Variants in ALDH5A1 observed in about 807,000 individuals in gnomAD.
ALDH5A1 encodes the protein succinate-semialdehyde dehydrogenase, mitochondrial.
In ALDH5A1, 33 loss-of-function variants were observed where a neutral mutation model predicts 54.7. That is an observed-to-expected ratio of 0.60 (90% CI 0.46 to 0.81). The LOEUF (loss-of-function observed/expected upper bound fraction) is 0.81. Among genes scored for constraint, ALDH5A1 ranks in the 30% least tolerant of loss-of-function variants. The pLI is 0.00. For synonymous variants in ALDH5A1, 294 were observed against 292.7 expected (o/e 1.00, Z -0.05); for missense variants, 657 against 711.0 (o/e 0.92, Z 0.86).
At chr6:24,511,180 C>T (rs368123257) in intron 4 of ALDH5A1, among the ~76,000 whole-genome samples, 23 of 152,186 alleles carry the variant, frequency 1.5e-4, no homozygotes, top group African/African-American at 3.9e-4. Context: ...AGGGTTTCTG[C>T]TGAGAAATCT....
chr6:24,502,108 C>T (rs1006617286), intron 1 of ALDH5A1, among the ~76,000 whole-genome samples: 8 of 152,022 alleles, frequency 5.3e-5, no homozygotes, highest in Non-Finnish European at 1.0e-4. Flanking sequence ...GTCTGAGTTC[C>T]AGACTGGGTC....
At position 24,528,156 on chromosome 6, in the gene ALDH5A1, C is replaced by T. The variant is rs1475614682; in HGVS notation, c.1333C>T (p.Pro445Ser). The T allele has an allele frequency of 2.5e-6, 4 of 1,613,588 alleles. No homozygotes were observed. Among genetic ancestry groups the T allele is most frequent in the East Asian group, 2.2e-5 (1 of 44,886 alleles). ...TGAAGAGACTTTCGGGCCTCTGGCACCAGTTATCAAGTAAGATCCTCCAGC... is the reference window on the plus strand; with the variant it reads ...TGAAGAGACTTTCGGGCCTCTGGCATCAGTTATCAAGTAAGATCCTCCAGC... ...THEETFGPLA[P>S]VIKFDTEEEA... Residue 445 changes from proline to serine, a missense_variant, in exon 8 of 10, where the codon CCA (proline) becomes TCA (serine). Physicochemically the swap from Pro to Ser is moderately conservative, Grantham distance 74 (BLOSUM62 -1). Transcript: ENST00000357578.
At chr6:24,521,015 G>C (rs1319379930) in intron 6 of ALDH5A1, among the ~76,000 whole-genome samples, 1 of 152,210 alleles carries the variant, frequency 6.6e-6, no homozygotes, top group Non-Finnish European at 1.5e-5. Context: ...TGGGGTCTCT[G>C]AGGCCAAGGG....
chr6:24,496,202 C>T (rs1284344994), intron 1 of ALDH5A1, among the ~76,000 whole-genome samples: 1 of 152,154 alleles, frequency 6.6e-6, no homozygotes, highest in Admixed American at 6.5e-5. Context: ...GTATGCCCTG[C>T]ACTGTTGGAG....
At chr6:24,502,279 A>G (rs561806307) in intron 1 of ALDH5A1, among the ~76,000 whole-genome samples, 3 of 152,118 alleles carry the variant, frequency 2.0e-5, no homozygotes, top group Non-Finnish European at 2.9e-5. Context: ...TTTGAAGGCA[A>G]ATCTTCTTTA....
At chr6:24,515,801 A>G (rs1197134791) in intron 5 of ALDH5A1, among the ~76,000 whole-genome samples, 1 of 152,204 alleles carries the variant, frequency 6.6e-6, no homozygotes, top group Non-Finnish European at 1.5e-5. Context: ...GTGGCACGAC[A>G]TAGGTTCCTG....
intron 4 of ALDH5A1, among the ~76,000 whole-genome samples, chr6:24,505,439 C>T (rs1021211568): frequency 1.3e-5 from 2 of 151,768 alleles, no homozygotes; most frequent in African/African-American, 4.8e-5. Context: ...TTCCCACCCC[C>T]CCAGTATGTC....
intron 7 of ALDH5A1, among the ~76,000 whole-genome samples, chr6:24,526,988 A>ATC (rs1759823736): frequency 1.0e-5 from 1 of 99,884 alleles, no homozygotes; most frequent in African/African-American, 4.0e-5. Flanking sequence ...ATATATATAT[A>ATC]TATATATATA....
rs759037432 is a variant in ALDH5A1, at chr6:24,522,813, A to C, written c.1061A>C (p.Asp354Ala). The change falls in exon 7 of 10, where the codon GAT becomes GCT. Residue 354 changes from aspartate to alanine, a missense_variant. Around this residue, in one of 2 missense-constraint regions of ALDH5A1, gnomAD observed 425 missense variants for 516.4 expected, o/e 0.82. Transcript: ENST00000357578. ...TTCTTGGTGCAAAGGGGCATCCATG[A>C]TGCCTTTGTAAAAGCATTCGCCGAG... is the stretch of plus-strand genomic sequence containing the variant. ...NQFLVQRGIH[D>A]AFVKAFAEAM... The C allele has an allele frequency of 1.2e-6, 2 of 1,614,136 alleles. No individual in the cohort carries two copies. Among genetic ancestry groups the C allele is most frequent in the South Asian group, 2.2e-5 (2 of 91,084 alleles).
chr6:24,532,770 C>T (rs1386831660), intron 9 of ALDH5A1, among the ~76,000 whole-genome samples: 1 of 152,042 alleles, frequency 6.6e-6, no homozygotes, highest in Non-Finnish European at 1.5e-5. Context: ...TCTATAGAAG[C>T]TTCCCCTCTA....
intron 7 of ALDH5A1, 25 bp from the exon 8 acceptor site, chr6:24,527,972 G>A: frequency 6.2e-7 from 1 of 1,613,048 alleles, no homozygotes. Flanking sequence ...CATGTGGAAA[G>A]CTTTTTTTCT....
chr6:24,518,107 T>C lies in ALDH5A1; in HGVS notation c.871-2294T>C, dbSNP rs566727626. 2.8e-4 allele frequency among the ~76,000 whole-genome samples: 43 copies of C among 152,340 alleles called. No homozygotes were observed. In the South Asian group the frequency reaches 7.9e-3, roughly 28 times the overall value. On this transcript the variant is annotated intron_variant, in intron 5 of 9. Coordinates refer to ENST00000357578, the MANE Select transcript of ALDH5A1 (RefSeq NM_001080.3). The surrounding 1 kb of genome is among the most constrained non-coding windows in gnomAD (Gnocchi z 4.2). ...AAGGGTGGGCTAGGTCAGGGCCTTT[T>C]CCTCTAGGAATTCCCCTCTCCTTCA...
intron 6 of ALDH5A1, among the ~76,000 whole-genome samples, chr6:24,522,139 C>T (rs1372240462): frequency 6.6e-6 from 1 of 152,042 alleles, no homozygotes; most frequent in Non-Finnish European, 1.5e-5. Context: ...AGCCACTGCG[C>T]CCAGCCAAAA....
intron 8 of ALDH5A1, among the ~76,000 whole-genome samples, chr6:24,529,670 G>GTT (rs55878931): frequency 0.14 from 12,291 of 86,322 alleles, 1,697 homozygotes; most frequent in Non-Finnish European, 0.17. Context: ...TTTGGTTTGG[G>GTT]TTTTTTTTTT....
At position 24,533,711 on chromosome 6, in the gene ALDH5A1, A is replaced by C; in HGVS notation, c.1607A>C (p.Ter536SerextTer6). Residue 536 changes from the stop codon to serine (S), a stop_lost, in exon 10 of 10, where the codon TAG (stop) becomes TCG (serine). Coordinates refer to ENST00000357578, the MANE Select transcript of ALDH5A1 (RefSeq NM_001080.3). ...AAGTATGTGTGTTACGGGGGCTTGT[A>C]GGATTCTTTGGTTCTTTAAAAAAAT... is the stretch of plus-strand genomic sequence containing the variant. ...ELKYVCYGGL[*>S] 6.2e-7 allele frequency: 1 copy of C among 1,613,990 alleles called. No individual in the cohort carries two copies. The highest frequency in any genetic ancestry group is 8.5e-7 in the Non-Finnish European group (1 of 1,179,930).
intron 4 of ALDH5A1, among the ~76,000 whole-genome samples, 180 bp downstream of exon 4, chr6:24,505,165 T>C (rs1349689834): frequency 6.6e-6 from 1 of 152,192 alleles, no homozygotes; most frequent in African/African-American, 2.4e-5. Flanking sequence ...GGGAAAAAAA[T>C]GGATGAGGGA....
intron 6 of ALDH5A1, 59 bp downstream of exon 6, chr6:24,520,603 A>ATGTG: frequency 6.3e-7 from 1 of 1,583,708 alleles, no homozygotes; most frequent in Non-Finnish European, 8.6e-7. Flanking sequence ...GAGTGTGTGT[A>ATGTG]TGTGTGTGTG....
chr6:24,509,890 C>A lies in ALDH5A1; in HGVS notation c.726+4905C>A, dbSNP rs1317269157. 6.6e-6 allele frequency among the ~76,000 whole-genome samples: 1 copy of A among 151,756 alleles called. No homozygotes were observed. Among genetic ancestry groups the A allele is most frequent in the Non-Finnish European group, 1.5e-5 (1 of 67,948 alleles). On this transcript the variant is annotated intron_variant, in intron 4 of 9. Coordinates refer to ENST00000357578, the MANE Select transcript of ALDH5A1 (RefSeq NM_001080.3). This position sits in a 1 kb window ranked among gnomAD's most constrained non-coding sequence, Gnocchi z 4.7. The stretch of plus-strand genomic sequence containing the variant: ...GTTTCTCTAGTTCTTTGAGGTGGGA[C>A]CTTAGATTATTTATTTATGCTCTTT...
chr6:24,523,185 AAT>A (rs1047402940), intron 7 of ALDH5A1, among the ~76,000 whole-genome samples: 8 of 152,118 alleles, frequency 5.3e-5, no homozygotes, highest in African/African-American at 1.9e-4. Flanking sequence ...AGAAATGATC[AAT>A]GTTTGAGGCG....
Sources: allele counts gnomAD v4.1 joint callset (sites outside exome capture counted in the v4.1 genomes callset), GRCh38; gene constraint gnomAD v4.1.1; regional missense constraint gnomAD v4.1.1; non-coding constraint Gnocchi (gnomAD v3.1); transcripts MANE v1.5; gene names NCBI Gene and HGNC (gene_info 2026-07-23, HGNC 2026-07-21).